The following CALCOCO2 variants were observed in gnomAD, a reference collection of about 807,000 sequenced individuals.
CALCOCO2 encodes the protein calcium-binding and coiled-coil domain-containing protein 2.
Under a neutral mutation model 62.5 loss-of-function variants are expected in CALCOCO2, and 42 were observed. The ratio of observed to expected loss-of-function variants is 0.67; its 90% CI spans 0.53 to 0.87. The LOEUF (loss-of-function observed/expected upper bound fraction) is 0.87, where lower values mean the gene tolerates loss of function less well. Ranked by LOEUF, CALCOCO2 falls within the 40% of genes least tolerant of loss-of-function variation. The pLI, the probability that CALCOCO2 is intolerant of heterozygous loss-of-function variation, is 0.00. For synonymous variants in CALCOCO2, 167 were observed against 173.0 expected, an observed-to-expected ratio of 0.97 and a Z score of 0.27; for missense variants, 456 against 515.0, an observed-to-expected ratio of 0.89 and a Z score of 1.11.
At chr17:48,843,121 T>C (rs2039997823) in intron 2 of CALCOCO2, among the ~76,000 whole-genome samples, 1 of 152,204 alleles carries the variant, frequency 6.6e-6, no homozygotes, top group African/African-American at 2.4e-5. Context: ...CTGACTACTT[T>C]ATAATGATTT....
Position 48,841,858 on chromosome 17 carries a change from C to G in CALCOCO2, c.151C>G (p.Arg51Gly), listed in dbSNP as rs766494137. The change falls in exon 2 of 13, where the codon CGT becomes GGT. Residue 51 changes from arginine to glycine, a missense_variant. This residue lies in a region of CALCOCO2 where 48 missense variants were observed against 79.3 expected (regional missense o/e 0.61). Coordinates refer to ENST00000258947, the MANE Select transcript of CALCOCO2 (RefSeq NM_005831.5). ...HYTFTQHFIPRRKDWIGIFRV... is the reference protein window; with the variant it reads ...HYTFTQHFIPGRKDWIGIFRV... Reference sequence around the variant, plus strand: ...TACCTTCACCCAGCATTTCATCCCTCGTCGAAAGGATTGGATTGGCATCTT... The same window carrying G: ...TACCTTCACCCAGCATTTCATCCCTGGTCGAAAGGATTGGATTGGCATCTT... The G allele has an allele frequency of 6.2e-7, 1 of 1,612,274 alleles. No individual in the cohort carries two copies. The highest frequency in any genetic ancestry group is 8.5e-7 in the Non-Finnish European group (1 of 1,179,096).
rs755908643 is a variant in CALCOCO2 at position 48,863,064 on chromosome 17, C to T, written c.*59C>T. ...TATAGAATAGAACCTATAGCTTCTA[C>T]CATGAGTTATATGAGTCAAGATCCT... On this transcript the variant is annotated 3_prime_UTR_variant, in exon 13 of 13. Coordinates refer to ENST00000258947, the MANE Select transcript of CALCOCO2 (RefSeq NM_005831.5). The T allele has an allele frequency of 1.6e-6, 2 of 1,270,562 alleles. No individual in the cohort carries two copies. Among genetic ancestry groups the T allele is most frequent in the Non-Finnish European group, 2.3e-6 (2 of 868,008 alleles). 78.7% of individuals were successfully genotyped at this position (1,270,562 alleles called of 1,614,324 possible). A position where few individuals can be genotyped will look rare whatever the true frequency, so the allele number is the denominator to read the frequency against.
At chr17:48,854,560 G>A (rs2040184724) in intron 9 of CALCOCO2, among the ~76,000 whole-genome samples, 1 of 147,858 alleles carries the variant, frequency 6.8e-6, no homozygotes, top group Non-Finnish European at 1.5e-5. Flanking sequence ...CACCCGCCAC[G>A]ATGCCCGGCT....
intron 10 of CALCOCO2, among the ~76,000 whole-genome samples, chr17:48,857,695 C>T (rs1198319322): frequency 1.3e-5 from 2 of 149,522 alleles, no homozygotes; most frequent in African/African-American, 4.9e-5. Flanking sequence ...TAAAATTTGG[C>T]TGGGCGCGGT....
At position 48,864,607 on chromosome 17, in the gene CALCOCO2, G is replaced by A. The variant is rs568670928; in HGVS notation, c.*1602G>A. 6.6e-6 allele frequency: 1 copy of A among 152,444 alleles called. No individual in the cohort carries two copies. Among genetic ancestry groups the A allele is most frequent in the Non-Finnish European group, 1.5e-5 (1 of 68,230 alleles). The allele number at this position is 152,444 out of a possible 1,614,324, so 9.4% of individuals were successfully genotyped here. On this transcript the variant is annotated 3_prime_UTR_variant, in exon 13 of 13. Transcript: ENST00000258947. Reference sequence around the variant, plus strand: ...AAAACTTTTGAATGATGTGAAACACGATGTCATGAATAAGGGTTGAGCCAA... The same window carrying A: ...AAAACTTTTGAATGATGTGAAACACAATGTCATGAATAAGGGTTGAGCCAA...
intron 1 of CALCOCO2, among the ~76,000 whole-genome samples, chr17:48,833,292 C>G (rs1272306415): frequency 6.6e-6 from 1 of 152,176 alleles, no homozygotes; most frequent in Non-Finnish European, 1.5e-5. Context: ...CACAGTGGCT[C>G]ACGCCTGTAA....
intron 2 of CALCOCO2, among the ~76,000 whole-genome samples, chr17:48,845,371 C>CTCTG (rs1447732152): frequency 0.014 from 1,642 of 116,276 alleles, 75 homozygotes; most frequent in Admixed American, 0.019. Flanking sequence ...TAAATCCTCA[C>CTCTG]TGTGTGTGTG....
rs1051099599 is a variant in CALCOCO2 at position 48,862,300 on chromosome 17, G to C, written c.1169G>C (p.Ser390Thr). The change falls in exon 12 of 13, where the codon AGC becomes ACC. Residue 390 changes from serine to threonine, a missense_variant. Physicochemically the swap from Ser to Thr is moderately conservative, Grantham distance 58 (BLOSUM62 1). Coordinates refer to ENST00000258947, the MANE Select transcript of CALCOCO2 (RefSeq NM_005831.5). ...GGTATCCAAGAAAGTTCTTCCCCCA[G>C]CCCGGTAAGTATTTGATTCATGAGA... ...YSGIQESSSP[S>T]PLSIKKCPIC... 22 of 1,587,928 alleles carry C rather than the reference G, an allele frequency of 1.4e-5. No individual in the cohort carries two copies. The highest frequency in any genetic ancestry group is 1.9e-5 in the Non-Finnish European group (22 of 1,156,378).
Position 48,860,376 on chromosome 17 carries a change from G to A in CALCOCO2, c.1071G>A (p.Pro357=), listed in dbSNP as rs142081108. 5.0e-5 allele frequency: 81 copies of A among 1,612,874 alleles called. No homozygotes were observed. In the African/African-American group the frequency reaches 8.1e-4, roughly 16 times the overall value. The change falls in exon 11 of 13, where the codon CCG becomes CCA. Residue 357 remains proline (P), a synonymous_variant. Coordinates refer to ENST00000258947, the MANE Select transcript of CALCOCO2 (RefSeq NM_005831.5). ...TGGGTCTGGATTTTAATTCTTTGCCGTATCAAGTACCTACTTCAGATGAAG... is the reference window on the plus strand; with the variant it reads ...TGGGTCTGGATTTTAATTCTTTGCCATATCAAGTACCTACTTCAGATGAAG... ...SYMGLDFNSL[P]YQVPTSDEGG...
In CALCOCO2 at chr17:48,854,397, T is replaced by TATATATATATATATATATA. The variant is rs1491128634; in HGVS notation, c.912+1385_912+1386insATATATATATATATATATA. Among the ~76,000 whole-genome samples the TATATATATATATATATATA allele has an allele frequency of 6.3e-3, 11 of 1,748 alleles. 1 individual carries two copies. The highest frequency in any genetic ancestry group is 0.012 in the Admixed American group (1 of 86). 1.1% of individuals were successfully genotyped at this position (1,748 alleles called of 152,430 possible). On this transcript the variant is annotated intron_variant, in intron 9 of 12. Transcript: ENST00000258947. The stretch of plus-strand genomic sequence containing the variant: ...TTTCTTTTATTTATATATATATATA[T>TATATATATATATATATATA]TTTTTTTTTTTTTTTTTTTTTTTTT...
intron 1 of CALCOCO2, chr17:48,831,778 G>A (rs1427448147): frequency 6.6e-6 from 1 of 152,210 alleles, no homozygotes; most frequent in African/African-American, 2.4e-5. Context: ...TGCTTCACAT[G>A]CAAGCCAACA....
chr17:48,862,982 C>T lies in CALCOCO2; in HGVS notation c.1318C>T (p.His440Tyr). ...TACAGAGAAGCAGATCTTTGAAGAC[C>T]ACGTGTTCTGCCACTCTCTCTGAGT... Reference protein sequence around the residue: ...PATEKQIFEDHVFCHSL With the variant: ...PATEKQIFEDYVFCHSL Residue 440 changes from histidine to tyrosine, a missense_variant, in exon 13 of 13, where the codon CAC becomes TAC. Physicochemically the swap from His to Tyr is moderately conservative, Grantham distance 83. Transcript: ENST00000258947. 6.2e-7 allele frequency: 1 copy of T among 1,613,316 alleles called. No homozygotes were observed. Among genetic ancestry groups the T allele is most frequent in the Non-Finnish European group, 8.5e-7 (1 of 1,179,246 alleles).
intron 2 of CALCOCO2, among the ~76,000 whole-genome samples, chr17:48,846,929 T>A (rs952699180): frequency 9.2e-5 from 14 of 152,216 alleles, no homozygotes; most frequent in African/African-American, 3.4e-4. Flanking sequence ...TGCTTTTATT[T>A]TCTAGATAAG....
chr17:48,857,198 C>CT (rs34508915), intron 10 of CALCOCO2, among the ~76,000 whole-genome samples: 1,573 of 128,104 alleles, frequency 0.012, 32 homozygotes, highest in African/African-American at 0.042. Flanking sequence ...CATCTTTACC[C>CT]TTTTTTTTTT....
chr17:48,854,397 T>TATATATATATATATATATATATATA (rs1491128634), intron 9 of CALCOCO2, among the ~76,000 whole-genome samples: 1 of 1,758 alleles, frequency 5.7e-4, no homozygotes, highest in Non-Finnish European at 2.2e-3. Context: ...TATATATATA[T>TATATATATATATATATATATATATA]TTTTTTTTTT....
chr17:48,846,400 C>G, intron 2 of CALCOCO2: 1 of 813,618 alleles, frequency 1.2e-6, no homozygotes, highest in Non-Finnish European at 2.0e-6. Flanking sequence ...TGCTTTCCTT[C>G]CCTCAGTGTA....
At chr17:48,862,364 C>G (rs1488425593) in intron 12 of CALCOCO2, 60 bp downstream of exon 12, 1 of 1,132,242 alleles carries the variant, frequency 8.8e-7, no homozygotes, top group Non-Finnish European at 1.4e-6. Flanking sequence ...CCTTCCTGCT[C>G]CAGTTCATGG....
At chr17:48,841,997 GT>G in intron 2 of CALCOCO2, 110 bp downstream of exon 2, 1 of 737,656 alleles carries the variant, frequency 1.4e-6, no homozygotes, top group Non-Finnish European at 2.1e-6. Context: ...TGTGTTGGCA[GT>G]TTTTAAATTC....
At chr17:48,835,911 G>A (rs60852732) in intron 1 of CALCOCO2, among the ~76,000 whole-genome samples, 17,216 of 151,780 alleles carry the variant, frequency 0.11, 1,767 homozygotes, top group African/African-American at 0.28. Context: ...CACCACGCCC[G>A]GCTAATTTTT....
Sources: gnomAD v4.1 joint callset for allele counts (sites outside exome capture counted in the v4.1 genomes callset) on GRCh38, gnomAD v4.1.1 for gene constraint, gnomAD v4.1.1 regional missense constraint, MANE v1.5 for transcripts, NCBI Gene and HGNC (gene_info 2026-07-23, HGNC 2026-07-21) for gene names.